The following PLXNA2 variants were observed in gnomAD, a reference collection of about 807,000 sequenced individuals.
PLXNA2 encodes plexin A2, also known as plexin-A2.
A neutral mutation model predicts 193.5 loss-of-function variants in PLXNA2; 91 were observed. The observed-to-expected ratio is 0.47, with a 90% CI of 0.40 to 0.56. The LOEUF is 0.56. Among genes scored for constraint, PLXNA2 ranks in the 20% least tolerant of loss-of-function variants. PLXNA2 has a pLI of 0.00. For synonymous variants in PLXNA2, 997 were observed against 1,027.3 expected (o/e 0.97, Z 0.56); for missense variants, 1,995 against 2,503.2 (o/e 0.80, Z 4.33).
At chr1:208,083,601 T>A (rs1666417038) in intron 10 of PLXNA2, among the ~76,000 whole-genome samples, 1 of 152,058 alleles carries the variant, frequency 6.6e-6, no homozygotes, top group South Asian at 2.1e-4. Flanking sequence ...CAGATTCCCT[T>A]TATCTCTCCC....
intron 9 of PLXNA2, among the ~76,000 whole-genome samples, chr1:208,092,033 C>T (rs528003069): frequency 6.6e-6 from 1 of 152,232 alleles, no homozygotes; most frequent in South Asian, 2.1e-4. Context: ...ACTGGCCATG[C>T]TGGGGTATGA....
Position 208,024,319 on chromosome 1 carries a change from C to A in PLXNA2, c.*2924G>T, listed in dbSNP as rs777667482. On this transcript the variant is annotated 3_prime_UTR_variant, in exon 32 of 32. Coordinates refer to ENST00000367033, the MANE Select transcript of PLXNA2 (RefSeq NM_025179.4). ...AACAGGGAGAAGAGAGGCCAACCAA[C>A]TCCCTCTTTTTCTCATCCAAAGGGT... 6.6e-6 allele frequency: 1 copy of A among 152,146 alleles called. No individual in the cohort carries two copies. The highest frequency in any genetic ancestry group is 1.5e-5 in the Non-Finnish European group (1 of 68,050). 9.4% of individuals were successfully genotyped at this position (152,146 alleles called of 1,614,324 possible). A position where few individuals can be genotyped will look rare whatever the true frequency, so the allele number is the denominator to read the frequency against.
At chr1:208,094,241 T>C (rs1203243677) in intron 8 of PLXNA2, among the ~76,000 whole-genome samples, 7 of 152,218 alleles carry the variant, frequency 4.6e-5, no homozygotes, top group Admixed American at 2.0e-4. Flanking sequence ...GATGTGGCTC[T>C]TCCGCTGGCT....
chr1:208,031,134 G>C, intron 29 of PLXNA2: 1 of 999,896 alleles, frequency 1.0e-6, no homozygotes, highest in Non-Finnish European at 1.2e-6. Context: ...ACTTCACCGG[G>C]CGTCTCAGTT....
At chr1:208,098,489 CACAT>C (rs1666990082) in intron 6 of PLXNA2, among the ~76,000 whole-genome samples, 2 of 151,646 alleles carry the variant, frequency 1.3e-5, no homozygotes, top group African/African-American at 2.4e-5. Flanking sequence ...CACACACACA[CACAT>C]GCAACTCACA....
At chr1:208,094,978 T>C (rs1025630202) in intron 8 of PLXNA2, among the ~76,000 whole-genome samples, 1 of 152,170 alleles carries the variant, frequency 6.6e-6, no homozygotes, top group Non-Finnish European at 1.5e-5. Context: ...TGCCCATAGC[T>C]TGGACCCTAC....
At chr1:208,223,567 G>A (rs1572051477) in intron 1 of PLXNA2, among the ~76,000 whole-genome samples, 1 of 152,206 alleles carries the variant, frequency 6.6e-6, no homozygotes, top group African/African-American at 2.4e-5. Context: ...ACACATGTCC[G>A]AATGGCTCCT....
intron 3 of PLXNA2, among the ~76,000 whole-genome samples, chr1:208,174,667 A>G (rs1385132689): frequency 6.6e-6 from 1 of 152,148 alleles, no homozygotes; most frequent in Non-Finnish European, 1.5e-5. Flanking sequence ...CACCAGGGCC[A>G]CAGGGGTCAC....
In PLXNA2 at chr1:208,082,354, C is replaced by T. The variant is rs183761075; in HGVS notation, c.2395+58G>A. On this transcript the variant is annotated intron_variant, in intron 11 of 31. Coordinates refer to ENST00000367033, the MANE Select transcript of PLXNA2 (RefSeq NM_025179.4). The surrounding 1 kb of genome is among the most constrained non-coding windows in gnomAD (Gnocchi z 4.2). ...GCTGGCTGGCTCTGATCCCTCTAGC[C>T]CCAGTCTTTCCCGGGGTCGTGAAAA... The T allele has an allele frequency of 1.2e-5, 17 of 1,372,664 alleles. No homozygotes were observed. In the African/African-American group the frequency reaches 2.1e-4, roughly 17 times the overall value. 85.0% of individuals were successfully genotyped at this position (1,372,664 alleles called of 1,614,324 possible). A position where few individuals can be genotyped will look rare whatever the true frequency, so the allele number is the denominator to read the frequency against.
At chr1:208,135,146 A>C (rs1668264674) in intron 4 of PLXNA2, among the ~76,000 whole-genome samples, 1 of 151,898 alleles carries the variant, frequency 6.6e-6, no homozygotes, top group Admixed American at 6.6e-5. Flanking sequence ...CAAACAATGC[A>C]GAGAATTTCT....
intron 6 of PLXNA2, among the ~76,000 whole-genome samples, chr1:208,097,582 T>A (rs1666941192): frequency 6.6e-6 from 1 of 152,206 alleles, no homozygotes. Flanking sequence ...TCAGCTTTTT[T>A]GAATTTGAAG....
At chr1:208,168,066 C>T (rs1264603762) in intron 3 of PLXNA2, among the ~76,000 whole-genome samples, 1 of 152,230 alleles carries the variant, frequency 6.6e-6, no homozygotes, top group Non-Finnish European at 1.5e-5. Flanking sequence ...GGTTTTGCTA[C>T]TCATGGGCTG....
chr1:208,131,170 A>G (rs1668138412), intron 4 of PLXNA2, among the ~76,000 whole-genome samples: 1 of 152,174 alleles, frequency 6.6e-6, no homozygotes, highest in South Asian at 2.1e-4. Context: ...CACGCACCCC[A>G]GGACTTCCAA....
intron 3 of PLXNA2, among the ~76,000 whole-genome samples, chr1:208,182,539 C>T (rs1273700828): frequency 6.6e-6 from 1 of 152,118 alleles, no homozygotes; most frequent in Non-Finnish European, 1.5e-5. Context: ...TCTTGCTCTG[C>T]CCATGCGAGT....
chr1:208,032,088 G>C (rs1664522369), intron 28 of PLXNA2: 2 of 985,382 alleles, frequency 2.0e-6, no homozygotes, highest in Non-Finnish European at 1.2e-6. Context: ...GGGGGCACAG[G>C]CTGCAAGCCA....
chr1:208,202,005 G>A (rs188040248), intron 3 of PLXNA2, among the ~76,000 whole-genome samples: 5 of 146,438 alleles, frequency 3.4e-5, no homozygotes, highest in Non-Finnish European at 7.4e-5. Context: ...TTGAGATGGA[G>A]TCTCTCTGTG....
intron 3 of PLXNA2, among the ~76,000 whole-genome samples, chr1:208,179,329 G>T (rs1473292401): frequency 1.3e-5 from 2 of 152,226 alleles, no homozygotes; most frequent in East Asian, 3.9e-4. Context: ...GGGTAAGGTT[G>T]CAGCTTTGGT....
intron 3 of PLXNA2, among the ~76,000 whole-genome samples, chr1:208,169,971 C>A (rs1669438870): frequency 6.6e-6 from 1 of 152,198 alleles, no homozygotes; most frequent in South Asian, 2.1e-4. Flanking sequence ...ACCACAGACA[C>A]CAGGACCTCC....
chr1:208,239,752 C>T (rs1671986603), intron 1 of PLXNA2, among the ~76,000 whole-genome samples: 1 of 152,232 alleles, frequency 6.6e-6, no homozygotes, highest in Non-Finnish European at 1.5e-5. Context: ...ACCTCTGTGC[C>T]TGCTTCCCAG....
Sources: gnomAD v4.1 joint callset for allele counts (sites outside exome capture counted in the v4.1 genomes callset) on GRCh38, gnomAD v4.1.1 for gene constraint, Gnocchi (gnomAD v3.1) non-coding constraint, MANE v1.5 for transcripts, NCBI Gene and HGNC (gene_info 2026-07-23, HGNC 2026-07-21) for gene names.